TAFA2: variants seen among roughly 807,000 people sequenced by gnomAD.
The protein encoded by TAFA2 is chemokine-like protein TAFA-2.
In TAFA2, 7 loss-of-function variants were observed where a neutral mutation model predicts 18.8. That is an observed-to-expected ratio of 0.37 (90% CI 0.21 to 0.70). The LOEUF is 0.70. Ranked by LOEUF, TAFA2 falls within the 30% of genes least tolerant of loss-of-function variation. TAFA2 has a pLI of 0.53. For synonymous variants in TAFA2, 60 were observed against 54.2 expected, an observed-to-expected ratio of 1.11 and a Z score of -0.47; for missense variants, 122 against 158.1, an observed-to-expected ratio of 0.77 and a Z score of 1.23.
chr12:62,226,373 A>G (rs900822578), intron 1 of TAFA2, among the ~76,000 whole-genome samples: 12 of 151,722 alleles, frequency 7.9e-5, no homozygotes, highest in African/African-American at 2.7e-4. Context: ...TTGTTTTTGT[A>G]TTTTTAGTAG....
chr12:61,788,606 G>T (rs980940797), intron 2 of TAFA2, among the ~76,000 whole-genome samples: 2 of 151,456 alleles, frequency 1.3e-5, no homozygotes, highest in Non-Finnish European at 3.0e-5. Context: ...AACATCAACG[G>T]AATAAAGAAC....
intron 2 of TAFA2, among the ~76,000 whole-genome samples, chr12:61,792,954 A>G (rs898253365): frequency 6.6e-6 from 1 of 151,668 alleles, no homozygotes; most frequent in African/African-American, 2.4e-5. Flanking sequence ...CCAGTCAAAT[A>G]TACATTTGTT....
At chr12:62,165,743 A>G (rs576201258) in intron 1 of TAFA2, among the ~76,000 whole-genome samples, 7 of 152,036 alleles carry the variant, frequency 4.6e-5, no homozygotes, top group South Asian at 2.1e-4. Flanking sequence ...CTGACATCAC[A>G]TCAGTTCAGT....
intron 1 of TAFA2, among the ~76,000 whole-genome samples, chr12:62,115,231 T>C (rs1869911984): frequency 6.6e-6 from 1 of 152,086 alleles, no homozygotes; most frequent in Non-Finnish European, 1.5e-5. Context: ...CACCAAAATT[T>C]GCACCCTTTG....
intron 4 of TAFA2, among the ~76,000 whole-genome samples, chr12:61,734,809 G>A (rs1868277867): frequency 6.6e-6 from 1 of 151,720 alleles, no homozygotes; most frequent in Non-Finnish European, 1.5e-5. Context: ...TTTACCATTT[G>A]TAAGTGTACA....
At chr12:62,061,599 T>C (rs1882350634) in intron 1 of TAFA2, among the ~76,000 whole-genome samples, 4 of 152,114 alleles carry the variant, frequency 2.6e-5, no homozygotes, top group African/African-American at 9.7e-5. Context: ...AAAAGAAAAA[T>C]ATGCTACATT....
chr12:61,782,893 C>T (rs1009362975), intron 2 of TAFA2, among the ~76,000 whole-genome samples: 2 of 151,656 alleles, frequency 1.3e-5, no homozygotes, highest in Admixed American at 1.3e-4. Flanking sequence ...TTAGTAAAGA[C>T]TTTAAAACTG....
At chr12:62,197,866 G>T (rs1023116136) in intron 1 of TAFA2, among the ~76,000 whole-genome samples, 4 of 151,994 alleles carry the variant, frequency 2.6e-5, no homozygotes, top group African/African-American at 9.7e-5. Context: ...TGAACATTTG[G>T]GTTACTTCTA....
intron 1 of TAFA2, among the ~76,000 whole-genome samples, chr12:61,873,905 C>G (rs1468158156): frequency 6.6e-6 from 1 of 151,998 alleles, no homozygotes. Flanking sequence ...GCACAAGAGA[C>G]TCATGTAAGT....
At chr12:61,804,765 C>A (rs934242130) in intron 2 of TAFA2, among the ~76,000 whole-genome samples, 32 of 151,922 alleles carry the variant, frequency 2.1e-4, no homozygotes, top group African/African-American at 7.7e-4. Context: ...TGACATTAAC[C>A]CTTTACAGCT....
At chr12:62,039,521 G>A (rs926789375) in intron 1 of TAFA2, among the ~76,000 whole-genome samples, 2 of 152,146 alleles carry the variant, frequency 1.3e-5, no homozygotes, top group African/African-American at 4.8e-5. Flanking sequence ...TGAGAGCAGG[G>A]CATTAAGCAA....
At position 61,948,287 on chromosome 12, in the gene TAFA2, C is replaced by G. The variant is rs570718193; in HGVS notation, c.-1-80861G>C. ...AAGTAACTTTCACAAGATTACACAG[C>G]TAACAAATGTCAAAGCCAAGATGAA... On this transcript the variant is annotated intron_variant, in intron 1 of 4. Transcript: ENST00000416284. 4.6e-5 allele frequency among the ~76,000 whole-genome samples: 7 copies of G among 152,232 alleles called. No individual in the cohort carries two copies. The South Asian group carries it at 1.5e-3, about 32-fold the overall frequency.
chr12:61,941,818 G>A (rs954020930), intron 1 of TAFA2, among the ~76,000 whole-genome samples: 109 of 152,236 alleles, frequency 7.2e-4, no homozygotes, highest in Non-Finnish European at 1.1e-3. Flanking sequence ...ACGGAATCTC[G>A]CTGATTGCTA....
intron 1 of TAFA2, among the ~76,000 whole-genome samples, chr12:62,215,628 C>CAAA (rs36005311): frequency 1.3e-5 from 1 of 76,742 alleles, no homozygotes; most frequent in Non-Finnish European, 2.7e-5. Flanking sequence ...ACTCGTTTAT[C>CAAA]AAAAAAAAAA....
chr12:61,911,396 G>A (rs748282782), intron 1 of TAFA2, among the ~76,000 whole-genome samples: 37 of 152,148 alleles, frequency 2.4e-4, no homozygotes, highest in South Asian at 8.3e-4. Context: ...CATTATTCCC[G>A]TATCAAGCCA....
intron 2 of TAFA2, among the ~76,000 whole-genome samples, chr12:61,814,681 CA>C (rs1020079212): frequency 6.0e-5 from 9 of 151,118 alleles, no homozygotes; most frequent in African/African-American, 2.2e-4. Context: ...TATTTTTCAG[CA>C]AAGGATCTTG....
rs576363549 is a variant in TAFA2 at position 62,124,174 on chromosome 12, TA to T, written c.-2+67084del. Among the ~76,000 whole-genome samples the T allele has an allele frequency of 2.0e-4, 30 of 152,006 alleles. No homozygotes were observed. In the East Asian group the frequency reaches 4.1e-3, roughly 21 times the overall value. On this transcript the variant is annotated intron_variant, in intron 1 of 4. Transcript: ENST00000416284. ...CGCAAAGATTGCAAAGATAATGATA[TA>T]AAACTGTACAGAAAAAAAAGCTTCA...
chr12:61,911,520 T>A (rs985578142), intron 1 of TAFA2, among the ~76,000 whole-genome samples: 3 of 152,222 alleles, frequency 2.0e-5, no homozygotes, highest in Admixed American at 6.5e-5. Context: ...GCTACAAAGC[T>A]AAATTCCACA....
At chr12:61,715,425 T>C (rs1869608088) in intron 4 of TAFA2, among the ~76,000 whole-genome samples, 1 of 152,110 alleles carries the variant, frequency 6.6e-6, no homozygotes, top group South Asian at 2.1e-4. Flanking sequence ...CTCGGCTCAC[T>C]GCAAGCTCTG....
Sources: allele counts gnomAD v4.1 joint callset (sites outside exome capture counted in the v4.1 genomes callset), GRCh38; gene constraint gnomAD v4.1.1; transcripts MANE v1.5; gene names NCBI Gene and HGNC (gene_info 2026-07-23, HGNC 2026-07-21).